The following GPR158 variants were observed in gnomAD, a reference collection of about 807,000 sequenced individuals.
GPR158 encodes metabotropic glycine receptor.
Under a neutral mutation model 78.2 loss-of-function variants are expected in GPR158, and 30 were observed. The ratio of observed to expected loss-of-function variants is 0.38; its 90% CI spans 0.29 to 0.52. The LOEUF (loss-of-function observed/expected upper bound fraction) is 0.52, where lower values mean the gene tolerates loss of function less well. Among genes scored for constraint, GPR158 ranks in the 20% least tolerant of loss-of-function variants. The pLI, the probability that GPR158 is intolerant of heterozygous loss-of-function variation, is 0.83. For missense variants in GPR158, 1,463 were observed against 1,523.5 expected, an observed-to-expected ratio of 0.96 and a Z score of 0.66; for synonymous variants, 581 against 591.1, an observed-to-expected ratio of 0.98 and a Z score of 0.25.
At chr10:25,501,946 C>T (rs1034101568) in intron 5 of GPR158, among the ~76,000 whole-genome samples, 4 of 152,130 alleles carry the variant, frequency 2.6e-5, no homozygotes, top group African/African-American at 9.7e-5. Context: ...ACCCCCAGCA[C>T]TTGCAAACTG....
intron 2 of GPR158, among the ~76,000 whole-genome samples, chr10:25,247,719 T>A (rs1034547708): frequency 6.6e-6 from 1 of 151,992 alleles, no homozygotes; most frequent in Non-Finnish European, 1.5e-5. Context: ...CTATTATTGT[T>A]GGACATTTGG....
chr10:25,501,623 A>G (rs1347579386), intron 5 of GPR158, among the ~76,000 whole-genome samples: 1 of 152,204 alleles, frequency 6.6e-6, no homozygotes, highest in African/African-American at 2.4e-5. Flanking sequence ...GCTGCACCCC[A>G]CATGAAACAG....
At chr10:25,570,452 A>G (rs1836989912) in intron 6 of GPR158, among the ~76,000 whole-genome samples, 1 of 152,324 alleles carries the variant, frequency 6.6e-6, no homozygotes. Flanking sequence ...AAAATGTATT[A>G]TCTACTGCAT....
At chr10:25,359,191 G>T (rs947039657) in intron 2 of GPR158, among the ~76,000 whole-genome samples, 1 of 151,852 alleles carries the variant, frequency 6.6e-6, no homozygotes, top group Non-Finnish European at 1.5e-5. Flanking sequence ...GGGATTGATT[G>T]ACCATTTTGT....
intron 2 of GPR158, among the ~76,000 whole-genome samples, chr10:25,366,317 C>A (rs576496811): frequency 6.6e-6 from 1 of 151,650 alleles, no homozygotes; most frequent in South Asian, 2.1e-4. Flanking sequence ...AAACCTATAT[C>A]CAGATTACAT....
chr10:25,462,128 C>T (rs550264230), intron 4 of GPR158, among the ~76,000 whole-genome samples: 2 of 152,280 alleles, frequency 1.3e-5, no homozygotes, highest in South Asian at 4.1e-4. Context: ...GCAAATGCAA[C>T]TAGTGACTTT....
intron 2 of GPR158, among the ~76,000 whole-genome samples, chr10:25,348,871 G>A (rs1588815114): frequency 6.6e-6 from 1 of 152,012 alleles, no homozygotes; most frequent in African/African-American, 2.4e-5. Flanking sequence ...TCATGCAGCT[G>A]TTTAATTCAC....
chr10:25,230,667 T>C (rs149548798), intron 2 of GPR158, among the ~76,000 whole-genome samples: 54 of 152,354 alleles, frequency 3.5e-4, no homozygotes, highest in African/African-American at 1.3e-3. Context: ...GGGGCTAGTC[T>C]GTGACTTACT....
intron 2 of GPR158, among the ~76,000 whole-genome samples, chr10:25,390,501 T>C (rs982169342): frequency 2.0e-5 from 3 of 152,258 alleles, no homozygotes; most frequent in African/African-American, 7.2e-5. Context: ...GGTGGCATTC[T>C]GCCCCTGCCC....
chr10:25,344,428 GC>G (rs1279022527), intron 2 of GPR158, among the ~76,000 whole-genome samples: 9 of 151,576 alleles, frequency 5.9e-5, no homozygotes, highest in East Asian at 3.9e-4. Flanking sequence ...TACTCTCTTA[GC>G]AATGTTCAAG....
chr10:25,234,664 G>A (rs1192639732), intron 2 of GPR158, among the ~76,000 whole-genome samples: 1 of 152,132 alleles, frequency 6.6e-6, no homozygotes, highest in Non-Finnish European at 1.5e-5. Flanking sequence ...AGCCCTAAGT[G>A]TATATAAAGA....
intron 5 of GPR158, among the ~76,000 whole-genome samples, chr10:25,472,596 C>T (rs1415365355): frequency 2.0e-5 from 3 of 152,228 alleles, no homozygotes; most frequent in African/African-American, 7.2e-5. Context: ...TACCCATGAG[C>T]ATGGAATGTT....
At chr10:25,280,077 C>A (rs902307996) in intron 2 of GPR158, among the ~76,000 whole-genome samples, 14 of 151,104 alleles carry the variant, frequency 9.3e-5, no homozygotes, top group African/African-American at 2.7e-4. Context: ...ATAGAAAAAT[C>A]AGGTCAAATA....
intron 1 of GPR158, among the ~76,000 whole-genome samples, chr10:25,205,884 G>C (rs1424568058): frequency 6.6e-6 from 1 of 151,752 alleles, no homozygotes; most frequent in Non-Finnish European, 1.5e-5. Flanking sequence ...TGTGCCTTGT[G>C]CATATGAGAA....
At chr10:25,209,386 GAGTAACAGTGGTAATTC>G (rs1853097033) in intron 1 of GPR158, among the ~76,000 whole-genome samples, 2 of 152,080 alleles carry the variant, frequency 1.3e-5, no homozygotes, top group African/African-American at 4.8e-5. Flanking sequence ...ACAGAATATA[GAGTAACAGTGGTAATTC>G]AGTGCTCAAT....
intron 6 of GPR158, among the ~76,000 whole-genome samples, chr10:25,562,234 T>A (rs1319506251): frequency 6.6e-6 from 1 of 152,124 alleles, no homozygotes; most frequent in African/African-American, 2.4e-5. Flanking sequence ...TTTGTTTATC[T>A]TCTGGAAGAA....
chr10:25,236,108 C>T (rs562694566), intron 2 of GPR158, among the ~76,000 whole-genome samples: 1 of 152,254 alleles, frequency 6.6e-6, no homozygotes, highest in Admixed American at 6.5e-5. Context: ...ACTGTAAGCT[C>T]CATGAGGGCA....
intron 5 of GPR158, among the ~76,000 whole-genome samples, chr10:25,493,920 T>A (rs186868544): frequency 2.4e-4 from 36 of 152,350 alleles, no homozygotes; most frequent in African/African-American, 8.2e-4. Context: ...CTAAAGCTTT[T>A]CCTTATGGCT....
At chr10:25,269,633 A>C (rs1473659044) in intron 2 of GPR158, among the ~76,000 whole-genome samples, 1 of 152,232 alleles carries the variant, frequency 6.6e-6, no homozygotes, top group African/African-American at 2.4e-5. Flanking sequence ...ACATTATTGA[A>C]CACAGTATAG....
Sources: allele counts gnomAD v4.1 joint callset (sites outside exome capture counted in the v4.1 genomes callset), GRCh38; gene constraint gnomAD v4.1.1; transcripts MANE v1.5; gene names NCBI Gene and HGNC (gene_info 2026-07-23, HGNC 2026-07-21).